Variants in KCNK12 observed in about 807,000 individuals in gnomAD.
The protein encoded by KCNK12 is potassium channel subfamily K member 12.
KCNK12 carries 6 observed loss-of-function variants against 25.3 expected under a neutral mutation model. That is an observed-to-expected ratio of 0.24 (90% confidence interval 0.13 to 0.47). The LOEUF (loss-of-function observed/expected upper bound fraction) is 0.47. KCNK12 is among the 20% of genes least tolerant of loss of function. KCNK12 has a pLI of 0.99. For synonymous variants in KCNK12, 331 were observed against 311.1 expected, an observed-to-expected ratio of 1.06 and a Z score of -0.67; for missense variants, 444 against 661.7, an observed-to-expected ratio of 0.67 and a Z score of 3.61.
Position 47,562,695 on chromosome 2 carries a change from C to T in KCNK12, c.391+7246G>A, listed in dbSNP as rs1342241547. On this transcript the variant is annotated intron_variant, in intron 1 of 1. Coordinates refer to ENST00000327876, the MANE Select transcript of KCNK12 (RefSeq NM_022055.2). This position sits in a 1 kb window ranked among gnomAD's most constrained non-coding sequence, Gnocchi z 4.8. ...GGGTGAGAGCCAAGGGGCTTCAGTACCCTTCTTCATTCTCTACCAGCACCT... is the reference window on the plus strand; with the variant it reads ...GGGTGAGAGCCAAGGGGCTTCAGTATCCTTCTTCATTCTCTACCAGCACCT... 2 of 233,136 alleles carry T rather than the reference C, an allele frequency of 8.6e-6. No homozygotes were observed. Among genetic ancestry groups the T allele is most frequent in the African/African-American group, 4.4e-5 (2 of 45,318 alleles). The allele number at this position is 233,136 out of a possible 1,614,324, so 14.4% of individuals were successfully genotyped here.
rs1669164093 is a variant in KCNK12, at chr2:47,540,082, G to C, written c.392-18274C>G. On this transcript the variant is annotated intron_variant, in intron 1 of 1. Transcript: ENST00000327876. This position sits in a 1 kb window ranked among gnomAD's most constrained non-coding sequence, Gnocchi z 5.4. ...TGTGGGGATCAGAGGGGAGGGGACA[G>C]CTGGCGGATTTAGCAGAGTACGTGG... Among the ~76,000 whole-genome samples the C allele has an allele frequency of 6.6e-6, 1 of 152,222 alleles. No individual in the cohort carries two copies.
chr2:47,534,517 C>CCCG (rs1553378763), intron 1 of KCNK12, among the ~76,000 whole-genome samples: 1 of 99,616 alleles, frequency 1.0e-5, no homozygotes, highest in African/African-American at 3.9e-5. Context: ...CCCTTCTAAC[C>CCCG]CCCCCCCCCG....
chr2:47,558,095 CCATT>C (rs1377413898), intron 1 of KCNK12, among the ~76,000 whole-genome samples: 1 of 152,226 alleles, frequency 6.6e-6, no homozygotes, highest in Non-Finnish European at 1.5e-5. Flanking sequence ...TTGGAAACGG[CCATT>C]CATTCAAATT....
At position 47,521,593 on chromosome 2, in the gene KCNK12, C is replaced by G; in HGVS notation, c.607G>C (p.Ala203Pro). The G allele has an allele frequency of 8.3e-6, 13 of 1,560,278 alleles. No homozygotes were observed. Among genetic ancestry groups the G allele is most frequent in the Non-Finnish European group, 1.1e-5 (13 of 1,152,388 alleles). The part of the protein sequence containing the change: ...TFRRGSALSE[A>P]DSLAGWKPSV... ...GGCTTCCAGCCCGCCAGGCTGTCGGCCTCCGAGAGCGCGGAGCCGCGGCGG... is the reference window on the plus strand; with the variant it reads ...GGCTTCCAGCCCGCCAGGCTGTCGGGCTCCGAGAGCGCGGAGCCGCGGCGG... Residue 203 changes from alanine (A) to proline (P), a missense_variant, in exon 2 of 2, where the codon GCC (alanine) becomes CCC (proline). Ala to Pro is a conservative substitution (Grantham distance 27). Transcript: ENST00000327876.
rs1165026322 is a variant in KCNK12, at chr2:47,548,413, C to T, written c.391+21528G>A. 2.0e-5 allele frequency among the ~76,000 whole-genome samples: 3 copies of T among 152,176 alleles called. No homozygotes were observed. The highest frequency in any genetic ancestry group is 4.8e-5 in the African/African-American group (2 of 41,434). On this transcript the variant is annotated intron_variant, in intron 1 of 1. Transcript: ENST00000327876. The surrounding 1 kb of genome is among the most constrained non-coding windows in gnomAD (Gnocchi z 4.4). ...TTCCAAAACCAAGCTCTTGATTCTC[C>T]CTCCCAACCAGCCCCTCCTTGATTC...
At chr2:47,526,405 G>GAAA (rs34272868) in intron 1 of KCNK12, among the ~76,000 whole-genome samples, 38 of 90,904 alleles carry the variant, frequency 4.2e-4, no homozygotes, top group East Asian at 1.5e-3. Context: ...GACTCCCTCA[G>GAAA]AAAAAAAAAA....
chr2:47,526,583 A>G (rs1472195706), intron 1 of KCNK12, among the ~76,000 whole-genome samples: 2 of 151,800 alleles, frequency 1.3e-5, no homozygotes, highest in Non-Finnish European at 2.9e-5. Flanking sequence ...AAATACAAAA[A>G]TTAGCCGGGC....
At position 47,523,987 on chromosome 2, in the gene KCNK12, T is replaced by A. The variant is rs542870298; in HGVS notation, c.392-2179A>T. ...TTTCAGAGTACATTCCTTAAGCCTATGTGCTAACAATCATTTTCTAGACTG... is the reference window on the plus strand; with the variant it reads ...TTTCAGAGTACATTCCTTAAGCCTAAGTGCTAACAATCATTTTCTAGACTG... On this transcript the variant is annotated intron_variant, in intron 1 of 1. Coordinates refer to ENST00000327876, the MANE Select transcript of KCNK12 (RefSeq NM_022055.2). 2.6e-5 allele frequency among the ~76,000 whole-genome samples: 4 copies of A among 152,376 alleles called. No individual in the cohort carries two copies. In the East Asian group the frequency reaches 7.7e-4, roughly 29 times the overall value.
At position 47,525,049 on chromosome 2, in the gene KCNK12, A is replaced by T. The variant is rs1367204254; in HGVS notation, c.392-3241T>A. Among the ~76,000 whole-genome samples the T allele has an allele frequency of 6.6e-6, 1 of 152,148 alleles. No individual in the cohort carries two copies. The highest frequency in any genetic ancestry group is 6.5e-5 in the Admixed American group (1 of 15,284). ...ACCAATACTTTGTCTAACTAAGAAA[A>T]TACTGAATTGGATTTTTCAGCTAAA... On this transcript the variant is annotated intron_variant, in intron 1 of 1. Transcript: ENST00000327876. This position sits in a 1 kb window ranked among gnomAD's most constrained non-coding sequence, Gnocchi z 4.1.
chr2:47,522,107 A>C (rs1168625660), intron 1 of KCNK12, among the ~76,000 whole-genome samples: 3 of 152,234 alleles, frequency 2.0e-5, no homozygotes, highest in Non-Finnish European at 2.9e-5. Flanking sequence ...TCATGACACA[A>C]AAAATAGAAA....
chr2:47,541,589 C>T (rs1362636092), intron 1 of KCNK12, among the ~76,000 whole-genome samples: 2 of 151,956 alleles, frequency 1.3e-5, no homozygotes, highest in Non-Finnish European at 2.9e-5. Flanking sequence ...CACTCCAGTA[C>T]CTCAGAATGT....
At position 47,521,482 on chromosome 2, in the gene KCNK12, C is replaced by T. The variant is rs1374161368; in HGVS notation, c.718G>A (p.Gly240Ser). The part of the protein sequence containing the change: ...CASAMYTSVE[G>S]WDYVDSLYFC... ...TAGAGCGAGTCCACGTAGTCCCAGC[C>T]CTCCACGCTGGTGTACATGGCCGAG... Residue 240 changes from glycine to serine, a missense_variant, in exon 2 of 2, where the codon GGC (glycine) becomes AGC (serine). Transcript: ENST00000327876. The T allele has an allele frequency of 6.2e-7, 1 of 1,608,370 alleles. No homozygotes were observed. The highest frequency in any genetic ancestry group is 8.5e-7 in the Non-Finnish European group (1 of 1,177,602).
intron 1 of KCNK12, among the ~76,000 whole-genome samples, chr2:47,542,321 T>G (rs1177267150): frequency 6.6e-6 from 1 of 152,210 alleles, no homozygotes; most frequent in East Asian, 1.9e-4. Context: ...CCCTGGCACA[T>G]GCACAGCCCA....
intron 1 of KCNK12, among the ~76,000 whole-genome samples, chr2:47,530,414 C>T (rs1033548354): frequency 1.1e-4 from 16 of 152,150 alleles, no homozygotes; most frequent in Non-Finnish European, 2.1e-4. Flanking sequence ...CCATGTCACA[C>T]CCCCGGGGAG....
rs1039955316 is a variant in KCNK12, at chr2:47,513,701, G to A, written c.*7206C>T. On this transcript the variant is annotated 3_prime_UTR_variant, in exon 2 of 2. Coordinates refer to ENST00000327876, the MANE Select transcript of KCNK12 (RefSeq NM_022055.2). Reference sequence around the variant, plus strand: ...CTTCATTGAACTCATCACCTCTTCTGTTCCTCCTCCTGGGTTCCCAGGCTC... The same window carrying A: ...CTTCATTGAACTCATCACCTCTTCTATTCCTCCTCCTGGGTTCCCAGGCTC... Among the ~76,000 whole-genome samples the A allele has an allele frequency of 6.6e-6, 1 of 152,074 alleles. No individual in the cohort carries two copies. Among genetic ancestry groups the A allele is most frequent in the African/African-American group, 2.4e-5 (1 of 41,412 alleles).
chr2:47,522,941 TAAA>T (rs367608756), intron 1 of KCNK12, among the ~76,000 whole-genome samples: 1 of 150,308 alleles, frequency 6.7e-6, no homozygotes, highest in Non-Finnish European at 1.5e-5. Flanking sequence ...TCCCTGTTAT[TAAA>T]AAAAAAATCA....
rs1224748532 is a variant in KCNK12 at position 47,547,421 on chromosome 2, A to T, written c.391+22520T>A. Among the ~76,000 whole-genome samples the T allele has an allele frequency of 6.6e-6, 1 of 152,168 alleles. No homozygotes were observed. The highest frequency in any genetic ancestry group is 1.5e-5 in the Non-Finnish European group (1 of 68,034). On this transcript the variant is annotated intron_variant, in intron 1 of 1. Transcript: ENST00000327876. This position sits in a 1 kb window ranked among gnomAD's most constrained non-coding sequence, Gnocchi z 5.0. ...ATTTTAATATGCAGCCAGGGTTGAG[A>T]ACCACTCTCCTAGGTGATCTTTTCT...
chr2:47,549,710 C>A (rs566299107), intron 1 of KCNK12, among the ~76,000 whole-genome samples: 1 of 152,052 alleles, frequency 6.6e-6, no homozygotes, highest in African/African-American at 2.4e-5. Flanking sequence ...CCAAGATGGG[C>A]GGATCACGAG....
At chr2:47,567,998 G>A (rs527715221) in intron 1 of KCNK12, among the ~76,000 whole-genome samples, 3 of 152,180 alleles carry the variant, frequency 2.0e-5, no homozygotes, top group Non-Finnish European at 4.4e-5. Flanking sequence ...ATGACAGATT[G>A]ATGGAGCTCA....
Sources: allele counts gnomAD v4.1 joint callset (sites outside exome capture counted in the v4.1 genomes callset), GRCh38; gene constraint gnomAD v4.1.1; non-coding constraint Gnocchi (gnomAD v3.1); transcripts MANE v1.5; gene names NCBI Gene and HGNC (gene_info 2026-07-23, HGNC 2026-07-21).